SNAP91: variants seen among roughly 807,000 people sequenced by gnomAD.
SNAP91 encodes clathrin coat assembly protein AP180.
SNAP91 carries 27 observed loss-of-function variants against 100.3 expected under a neutral mutation model. The observed-to-expected ratio is 0.27, with a 90% CI of 0.20 to 0.37. The LOEUF (loss-of-function observed/expected upper bound fraction) is 0.37, where lower values mean the gene tolerates loss of function less well. Ranked by LOEUF, SNAP91 falls within the 10% of genes least tolerant of loss-of-function variation. The pLI, the probability that SNAP91 is intolerant of heterozygous loss-of-function variation, is 1.00. For missense variants in SNAP91, 986 were observed against 1,123.7 expected (o/e 0.88, Z 1.75); for synonymous variants, 404 against 398.6 (o/e 1.01, Z -0.16).
chr6:83,601,460 G>A, intron 15 of SNAP91, 22 bp from the exon 16 acceptor site: 1 of 1,613,336 alleles, frequency 6.2e-7, no homozygotes, highest in East Asian at 2.2e-5. Flanking sequence ...CAGAGACAGA[G>A]AGCAAACGGA....
chr6:83,609,281 C>G (rs1403357001), intron 12 of SNAP91, among the ~76,000 whole-genome samples: 1 of 151,934 alleles, frequency 6.6e-6, no homozygotes, highest in African/African-American at 2.4e-5. Flanking sequence ...TCAATTTGGC[C>G]AAAATGTAGA....
intron 26 of SNAP91, among the ~76,000 whole-genome samples, chr6:83,567,390 C>T (rs530561844): frequency 6.6e-6 from 1 of 152,108 alleles, no homozygotes; most frequent in Non-Finnish European, 1.5e-5. Context: ...AGACCGAAAA[C>T]CATAAAAACC....
Position 83,601,260 on chromosome 6 carries a change from GACTA to G in SNAP91, c.1324+7_1324+10del, listed in dbSNP as rs761806283. ...CCTGAAAAAATGAAAGTAGCAGCGA[GACTA>G]ACTAACCTCCAAAGAGATCCACTTC... is the stretch of plus-strand genomic sequence containing the variant. On this transcript the variant is annotated splice_region_variant and intron_variant, in intron 16 of 29. Transcript: ENST00000369694. The G allele has an allele frequency of 1.9e-6, 3 of 1,612,632 alleles. No homozygotes were observed. Among genetic ancestry groups the G allele is most frequent in the Non-Finnish European group, 2.5e-6 (3 of 1,179,074 alleles).
At chr6:83,556,824 T>C (rs1489076292) in intron 28 of SNAP91, among the ~76,000 whole-genome samples, 3 of 152,178 alleles carry the variant, frequency 2.0e-5, no homozygotes, top group African/African-American at 7.2e-5. Flanking sequence ...ATTTAAGAAA[T>C]TACTTACACT....
chr6:83,661,580 C>T lies in SNAP91; in HGVS notation c.374G>A (p.Arg125Lys). The change falls in exon 5 of 30, where the codon AGG becomes AAG. Residue 125 changes from arginine to lysine, a missense_variant. Arg to Lys is a conservative substitution (Grantham distance 26, BLOSUM62 2). This residue lies in a region of SNAP91 where 330 missense variants were observed against 447.5 expected (regional missense o/e 0.74). Coordinates refer to ENST00000369694, the MANE Select transcript of SNAP91 (RefSeq NM_001242792.2). ...TTCATTCAAATATCTACTATAGCGC[C>T]TTATGAAGGTAGACATATCATAACC... ...SHGYDMSTFI[R>K]RYSRYLNEKA... 1 of 1,603,422 alleles carries T rather than the reference C, an allele frequency of 6.2e-7. No individual in the cohort carries two copies. The highest frequency in any genetic ancestry group is 1.1e-5 in the South Asian group (1 of 89,174).
chr6:83,704,794 G>C (rs958881659), intron 2 of SNAP91, among the ~76,000 whole-genome samples: 5 of 151,976 alleles, frequency 3.3e-5, no homozygotes, highest in African/African-American at 1.2e-4. Context: ...AATTGAAATT[G>C]TTTTTGTTTC....
intron 29 of SNAP91, among the ~76,000 whole-genome samples, chr6:83,554,496 C>A (rs187614321): frequency 7.9e-5 from 12 of 151,798 alleles, no homozygotes; most frequent in Non-Finnish European, 2.9e-5. Flanking sequence ...TAAAAAAAAA[C>A]TTTTGATGTA....
At position 83,560,873 on chromosome 6, in the gene SNAP91, T is replaced by A; in HGVS notation, c.2517A>T (p.Gly839=). 1 of 1,613,774 alleles carries A rather than the reference T, an allele frequency of 6.2e-7. No individual in the cohort carries two copies. The highest frequency in any genetic ancestry group is 1.1e-5 in the South Asian group (1 of 91,050). The stretch of plus-strand genomic sequence containing the variant: ...ACACGTCATCACTCACCATTCCAAA[T>A]CCTGCTCCAGGTTGTCCAACCGATG... The part of the protein sequence containing the change: ...GAPSVGQPGA[G]FGMPPAGTGM... Residue 839 remains glycine, a synonymous_variant, in exon 27 of 30, where the codon GGA becomes GGT. Transcript: ENST00000369694.
At chr6:83,664,615 C>T (rs1188506761) in intron 3 of SNAP91, among the ~76,000 whole-genome samples, 6 of 152,104 alleles carry the variant, frequency 3.9e-5, no homozygotes, top group Non-Finnish European at 2.9e-5. Flanking sequence ...GGAGTTGCTT[C>T]TTATGGACGA....
intron 2 of SNAP91, among the ~76,000 whole-genome samples, chr6:83,695,991 G>A (rs1406010306): frequency 6.6e-6 from 1 of 152,100 alleles, no homozygotes; most frequent in Non-Finnish European, 1.5e-5. Flanking sequence ...ATGTTAAACA[G>A]TTGGTCACAG....
intron 8 of SNAP91, among the ~76,000 whole-genome samples, chr6:83,626,071 A>G (rs750268942): frequency 1.1e-4 from 17 of 152,092 alleles, no homozygotes; most frequent in Non-Finnish European, 7.4e-5. Context: ...ATTCTTTTGC[A>G]TATGGCTAGC....
rs570979364 is a variant in SNAP91, at chr6:83,635,773, G to A, written c.765+5323C>T. 2.0e-5 allele frequency among the ~76,000 whole-genome samples: 3 copies of A among 152,180 alleles called. No homozygotes were observed. The East Asian group carries it at 5.8e-4, about 29-fold the overall frequency. ...TGTGAAGTTGCTTTGTAGGAATTAT[G>A]GACTATGTACTTATATGTGTTTCTG... On this transcript the variant is annotated intron_variant, in intron 8 of 29. Coordinates refer to ENST00000369694, the MANE Select transcript of SNAP91 (RefSeq NM_001242792.2).
At chr6:83,562,751 C>T (rs150031994) in intron 26 of SNAP91, among the ~76,000 whole-genome samples, 1 of 152,180 alleles carries the variant, frequency 6.6e-6, no homozygotes, top group Non-Finnish European at 1.5e-5. Context: ...TGTAAACCTA[C>T]CAATTAAATT....
At position 83,554,240 on chromosome 6, in the gene SNAP91, A is replaced by G. The variant is rs1014601778; in HGVS notation, c.*56T>C. On this transcript the variant is annotated 3_prime_UTR_variant, in exon 30 of 30. Transcript: ENST00000369694. ...GAAACTCAGCATCAATCTTATTTGA[A>G]GTCTCCAAACTCATTTATTTTCCTA... 3.7e-6 allele frequency: 1 copy of G among 273,310 alleles called. No individual in the cohort carries two copies. The highest frequency in any genetic ancestry group is 3.4e-5 in the South Asian group (1 of 29,848). 16.9% of individuals were successfully genotyped at this position (273,310 alleles called of 1,614,324 possible).
chr6:83,574,434 A>G (rs552594990), intron 26 of SNAP91, among the ~76,000 whole-genome samples: 4 of 152,194 alleles, frequency 2.6e-5, no homozygotes, highest in Non-Finnish European at 4.4e-5. Flanking sequence ...TAAACCTTAT[A>G]GAAAAGATGG....
chr6:83,608,600 G>GAAGACC (rs1307583915), intron 12 of SNAP91, among the ~76,000 whole-genome samples: 1 of 151,990 alleles, frequency 6.6e-6, no homozygotes, highest in African/African-American at 2.4e-5. Context: ...GAAGATTCAT[G>GAAGACC]AAGACCAAGA....
At chr6:83,602,835 C>T (rs887041912) in intron 14 of SNAP91, among the ~76,000 whole-genome samples, 2 of 151,898 alleles carry the variant, frequency 1.3e-5, no homozygotes, top group African/African-American at 2.4e-5. Flanking sequence ...ATTATAAAAA[C>T]GTACTCCCTG....
chr6:83,651,006 G>T (rs1395506247), intron 7 of SNAP91, among the ~76,000 whole-genome samples: 11 of 152,120 alleles, frequency 7.2e-5, no homozygotes, highest in Non-Finnish European at 1.5e-5. Flanking sequence ...ATCTTTCAAG[G>T]AGTTGGTCCA....
intron 2 of SNAP91, among the ~76,000 whole-genome samples, chr6:83,682,821 CTTTT>C (rs544106858): frequency 6.8e-6 from 1 of 147,150 alleles, no homozygotes; most frequent in African/African-American, 2.5e-5. Context: ...TTAAATTAGC[CTTTT>C]TTTTTGAGGA....
Sources: allele counts gnomAD v4.1 joint callset (sites outside exome capture counted in the v4.1 genomes callset), GRCh38; gene constraint gnomAD v4.1.1; regional missense constraint gnomAD v4.1.1; transcripts MANE v1.5; gene names NCBI Gene and HGNC (gene_info 2026-07-23, HGNC 2026-07-21).